NAALADL2: variants seen among roughly 807,000 people sequenced by gnomAD.
NAALADL2 encodes N-acetylated alpha-linked acidic dipeptidase like 2.
A neutral mutation model predicts 87.2 loss-of-function variants in NAALADL2; 76 were observed. That is an observed-to-expected ratio of 0.87 (90% CI 0.72 to 1.05). The LOEUF is 1.05. NAALADL2 is among the 50% of genes least tolerant of loss of function. NAALADL2 has a pLI of 0.00. For synonymous variants in NAALADL2, 354 were observed against 331.0 expected, an observed-to-expected ratio of 1.07 and a Z score of -0.75; for missense variants, 1,089 against 945.8, an observed-to-expected ratio of 1.15 and a Z score of -1.99.
chr3:174,784,105 A>G (rs1253838906), intron 3 of NAALADL2, among the ~76,000 whole-genome samples: 1 of 152,214 alleles, frequency 6.6e-6, no homozygotes, highest in Non-Finnish European at 1.5e-5. Flanking sequence ...AAATAGATAA[A>G]TCACTGCGCA....
intron 5 of NAALADL2, among the ~76,000 whole-genome samples, chr3:175,429,056 G>A (rs1255933366): frequency 6.6e-6 from 1 of 151,854 alleles, no homozygotes; most frequent in East Asian, 1.9e-4. Flanking sequence ...GAGGGCAGTA[G>A]TTCTGCAGGG....
At chr3:175,440,270 C>A (rs1433013554) in intron 5 of NAALADL2, among the ~76,000 whole-genome samples, 1 of 152,118 alleles carries the variant, frequency 6.6e-6, no homozygotes, top group South Asian at 2.1e-4. Context: ...CAGTATCATG[C>A]TGTTTTGGTG....
At chr3:174,866,671 G>A (rs746450684) in intron 1 of NAALADL2, among the ~76,000 whole-genome samples, 15 of 151,714 alleles carry the variant, frequency 9.9e-5, no homozygotes, top group Middle Eastern at 3.2e-3. Context: ...CAGATCTGGG[G>A]AAGAGGAGAA....
intron 5 of NAALADL2, among the ~76,000 whole-genome samples, chr3:175,371,691 G>T (rs1766524486): frequency 6.6e-6 from 1 of 151,730 alleles, no homozygotes; most frequent in Middle Eastern, 3.4e-3. Flanking sequence ...TGGGTGTGGT[G>T]CAGGGGCCTG....
Position 175,719,856 on chromosome 3 carries a change from AG to A in NAALADL2, c.1897-17448del, listed in dbSNP as rs139757282. Among the ~76,000 whole-genome samples, 25 of 152,314 alleles carry A rather than the reference AG, an allele frequency of 1.6e-4. No homozygotes were observed. In the East Asian group the frequency reaches 4.8e-3, roughly 29 times the overall value. ...GCACTGGCAGGTTCTGTGTCTTGTG[AG>A]GACTGTTTCCTGATTCACAGAAGGT... On this transcript the variant is annotated intron_variant, in intron 11 of 13. Coordinates refer to ENST00000454872, the MANE Select transcript of NAALADL2 (RefSeq NM_207015.3).
chr3:175,111,399 T>C (rs1326089372), intron 2 of NAALADL2, among the ~76,000 whole-genome samples: 1 of 151,640 alleles, frequency 6.6e-6, no homozygotes, highest in African/African-American at 2.4e-5. Flanking sequence ...TGGGTATTAA[T>C]ATAACTCTGT....
At chr3:174,885,283 CTT>C (rs1356607714) in intron 1 of NAALADL2, among the ~76,000 whole-genome samples, 6 of 152,144 alleles carry the variant, frequency 3.9e-5, no homozygotes, top group Non-Finnish European at 8.8e-5. Flanking sequence ...AATTTCAGCT[CTT>C]TGTCTGTAGG....
intron 1 of NAALADL2, among the ~76,000 whole-genome samples, chr3:175,024,524 C>T (rs566184742): frequency 6.6e-6 from 1 of 151,872 alleles, no homozygotes; most frequent in Non-Finnish European, 1.5e-5. Context: ...TTAAAGTGAG[C>T]AAATATTATT....
At chr3:175,156,000 A>G (rs1732261196) in intron 2 of NAALADL2, among the ~76,000 whole-genome samples, 1 of 152,210 alleles carries the variant, frequency 6.6e-6, no homozygotes, top group African/African-American at 2.4e-5. Flanking sequence ...AAACATTTTG[A>G]GGAAACAGTA....
At chr3:174,744,803 C>G (rs1388561310) in intron 3 of NAALADL2, among the ~76,000 whole-genome samples, 1 of 152,108 alleles carries the variant, frequency 6.6e-6, no homozygotes, top group Non-Finnish European at 1.5e-5. Context: ...TCACTCAAAA[C>G]CAGACAACTA....
At chr3:174,834,244 C>T (rs922048232) in intron 3 of NAALADL2, among the ~76,000 whole-genome samples, 1 of 146,456 alleles carries the variant, frequency 6.8e-6, no homozygotes, top group Non-Finnish European at 1.5e-5. Context: ...AAGAGATTTG[C>T]CAAAATTTAA....
chr3:174,963,227 T>C (rs556626757), intron 1 of NAALADL2, among the ~76,000 whole-genome samples: 3 of 152,246 alleles, frequency 2.0e-5, no homozygotes, highest in East Asian at 3.9e-4. Context: ...GTGTGTTTCA[T>C]GTAACAGATA....
At chr3:175,788,088 G>GTT (rs1004422588) in intron 13 of NAALADL2, among the ~76,000 whole-genome samples, 364 of 104,158 alleles carry the variant, frequency 3.5e-3, no homozygotes, top group Non-Finnish European at 4.6e-3. Context: ...TTTTTTACCT[G>GTT]TTTTTTTTTT....
At chr3:175,201,966 C>T (rs533172619) in intron 2 of NAALADL2, among the ~76,000 whole-genome samples, 1 of 152,276 alleles carries the variant, frequency 6.6e-6, no homozygotes, top group Non-Finnish European at 1.5e-5. Flanking sequence ...GTATCACTTA[C>T]ATGGTACTAT....
chr3:175,455,949 T>G (rs906665203), intron 6 of NAALADL2, among the ~76,000 whole-genome samples: 1 of 151,982 alleles, frequency 6.6e-6, no homozygotes, highest in Non-Finnish European at 1.5e-5. Context: ...AAATATTCAA[T>G]TAAACTTAGA....
chr3:174,770,141 T>G (rs970767742), intron 3 of NAALADL2, among the ~76,000 whole-genome samples: 1 of 152,206 alleles, frequency 6.6e-6, no homozygotes, highest in Non-Finnish European at 1.5e-5. Context: ...CACACATGCA[T>G]GTACATGAAG....
upstream of NAALADL2, among the ~76,000 whole-genome samples, chr3:174,859,018 G>T (rs892571982): frequency 2.6e-5 from 4 of 152,062 alleles, no homozygotes; most frequent in African/African-American, 9.7e-5. Context: ...AGGAAAAGTA[G>T]ATTAGAAACA....
intron 4 of NAALADL2, among the ~76,000 whole-genome samples, chr3:175,309,510 G>A (rs1758093244): frequency 6.6e-6 from 1 of 151,468 alleles, no homozygotes; most frequent in Non-Finnish European, 1.5e-5. Flanking sequence ...TAAAAGACAA[G>A]CAATAAATTA....
intron 9 of NAALADL2, among the ~76,000 whole-genome samples, chr3:175,568,700 G>C (rs545695740): frequency 6.6e-6 from 1 of 152,294 alleles, no homozygotes; most frequent in East Asian, 1.9e-4. Flanking sequence ...CAAAAATTAT[G>C]TTTCAACTGC....
Sources: gnomAD v4.1 joint callset for allele counts (sites outside exome capture counted in the v4.1 genomes callset) on GRCh38, gnomAD v4.1.1 for gene constraint, MANE v1.5 for transcripts, NCBI Gene and HGNC (gene_info 2026-07-23, HGNC 2026-07-21) for gene names.